The following UBE3B variants were observed in gnomAD, a reference collection of about 807,000 sequenced individuals.
UBE3B encodes ubiquitin protein ligase E3B, also known as ubiquitin-protein ligase E3B.
In UBE3B, 80 loss-of-function variants were observed where a neutral mutation model predicts 132.3. The observed-to-expected ratio is 0.60, with a 90% CI of 0.50 to 0.73. The LOEUF (loss-of-function observed/expected upper bound fraction) is 0.73. UBE3B is among the 30% of genes least tolerant of loss of function. The probability of loss-of-function intolerance (pLI) is 0.00; values close to 1 mark genes in which losing one functional copy is unlikely to be tolerated. For synonymous variants in UBE3B, 487 were observed against 520.4 expected, an observed-to-expected ratio of 0.94 and a Z score of 0.87; for missense variants, 1,196 against 1,362.5, an observed-to-expected ratio of 0.88 and a Z score of 1.92.
chr12:109,533,758 C>T (rs1883191969), intron 27 of UBE3B, 200 bp downstream of exon 27: 2 of 827,954 alleles, frequency 2.4e-6, no homozygotes, highest in Non-Finnish European at 4.0e-6. Context: ...ACGGACTCAG[C>T]CCTCTCTCGG....
At chr12:109,515,232 G>C (rs2136018354) in intron 18 of UBE3B, among the ~76,000 whole-genome samples, 1 of 151,738 alleles carries the variant, frequency 6.6e-6, no homozygotes, top group East Asian at 2.0e-4. Flanking sequence ...TCTTCTTAAG[G>C]GGCTGTTGGT....
At chr12:109,530,461 C>T in intron 25 of UBE3B, 86 bp from the exon 26 acceptor site, 2 of 1,118,664 alleles carry the variant, frequency 1.8e-6, no homozygotes, top group South Asian at 1.3e-5. Context: ...CAGAGTGGAC[C>T]GTGCCAGCTG....
At position 109,534,707 on chromosome 12, in the gene UBE3B, C is replaced by G. The variant is rs1209020323; in HGVS notation, c.3132C>G (p.Asn1044Lys). ...STCFNLLKLP[N>K]YSKKSVLREK... Reference sequence around the variant, plus strand: ...GCTTCAACCTGCTCAAGCTGCCCAACTACAGCAAGAAGAGCGTCCTCCGCG... The same window carrying G: ...GCTTCAACCTGCTCAAGCTGCCCAAGTACAGCAAGAAGAGCGTCCTCCGCG... Residue 1044 changes from asparagine (N) to lysine (K), a missense_variant, in exon 28 of 28, where the codon AAC becomes AAG. Coordinates refer to ENST00000342494, the MANE Select transcript of UBE3B (RefSeq NM_130466.4). The surrounding 1 kb of genome is among the most constrained non-coding windows in gnomAD (Gnocchi z 5.2). The G allele has an allele frequency of 1.2e-6, 2 of 1,607,256 alleles. No individual in the cohort carries two copies. Among genetic ancestry groups the G allele is most frequent in the Non-Finnish European group, 1.7e-6 (2 of 1,177,390 alleles).
intron 19 of UBE3B, among the ~76,000 whole-genome samples, chr12:109,519,312 A>G (rs1339040488): frequency 6.6e-6 from 1 of 152,338 alleles, no homozygotes; most frequent in Non-Finnish European, 1.5e-5. Context: ...ACGCTGACTC[A>G]CATTCACCTC....
Position 109,521,540 on chromosome 12 carries a change from G to C in UBE3B, c.2353G>C (p.Ala785Pro), listed in dbSNP as rs1248298682. 6.3e-7 allele frequency: 1 copy of C among 1,591,196 alleles called. No individual in the cohort carries two copies. Among genetic ancestry groups the C allele is most frequent in the African/African-American group, 1.4e-5 (1 of 74,044 alleles). ...GTTTGTGGGGAAGATGCTGGGGAAG[G>C]CTGTGTATGAGGTAGGAACGTTAAG... ...FEFVGKMLGK[A>P]VYEGIVVDVP... Residue 785 changes from alanine (A) to proline (P), a missense_variant, in exon 21 of 28, where the codon GCT becomes CCT. Ala to Pro is a conservative substitution (Grantham distance 27). Transcript: ENST00000342494. This position sits in a 1 kb window ranked among gnomAD's most constrained non-coding sequence, Gnocchi z 4.2.
rs566954469 is a variant in UBE3B, at chr12:109,530,699, A to C, written c.2922+41A>C. 41 of 1,576,974 alleles carry C rather than the reference A, an allele frequency of 2.6e-5. No individual in the cohort carries two copies. The East Asian group carries it at 8.3e-4, about 32-fold the overall frequency. On this transcript the variant is annotated intron_variant, in intron 26 of 27. Coordinates refer to ENST00000342494, the MANE Select transcript of UBE3B (RefSeq NM_130466.4). ...CCTATGCATGCATGCATGTATTCTC[A>C]TAAACCTGGAAGGCCAGTTGATGTA...
rs200548330 is a variant in UBE3B, at chr12:109,533,549, G to A, written c.3006G>A (p.Ser1002=). The change falls in exon 27 of 28, where the codon TCG becomes TCA. Residue 1002 remains serine (S), a synonymous_variant. Coordinates refer to ENST00000342494, the MANE Select transcript of UBE3B (RefSeq NM_130466.4). ...TCTCCATCCGCTGCGTGGAGGTGTC[G>A]GACGATCAGGTACCCCCACGGGGTG... ...PPFSIRCVEV[S]DDQDTGDTLG... The A allele has an allele frequency of 1.2e-4, 198 of 1,613,278 alleles. 2 individuals carry two copies. The South Asian group carries it at 1.7e-3, about 14-fold the overall frequency.
the UBE3B span, among the ~76,000 whole-genome samples, chr12:109,545,086 G>A: frequency 1.3e-5 from 2 of 152,204 alleles, no homozygotes; most frequent in African/African-American, 2.4e-5. Flanking sequence ...TTCCCTGATC[G>A]TCAGAGGCCT....
intron 17 of UBE3B, 92 bp from the exon 18 acceptor site, chr12:109,511,112 G>C: frequency 9.2e-7 from 1 of 1,087,048 alleles, no homozygotes; most frequent in Non-Finnish European, 1.4e-6. Context: ...ACAGCACCCT[G>C]CATGTGGCCC....
intron 22 of UBE3B, 130 bp downstream of exon 22, chr12:109,524,245 C>A: frequency 1.4e-6 from 2 of 1,416,250 alleles, no homozygotes; most frequent in Admixed American, 2.0e-5. Context: ...CTCACATCCC[C>A]CTGTGGGCAG....
intron 14 of UBE3B, among the ~76,000 whole-genome samples, chr12:109,505,026 G>C (rs1184697458): frequency 6.6e-6 from 1 of 151,960 alleles, no homozygotes; most frequent in Non-Finnish European, 1.5e-5. Context: ...AGCCAGGATG[G>C]TCTCGATCTC....
In UBE3B at chr12:109,497,917, C is replaced by T. The variant is rs368214041; in HGVS notation, c.813C>T (p.Thr271=). The T allele has an allele frequency of 1.3e-5, 21 of 1,613,940 alleles. No individual in the cohort carries two copies. Among genetic ancestry groups the T allele is most frequent in the Non-Finnish European group, 1.0e-5 (12 of 1,179,980 alleles). The part of the protein sequence containing the change: ...PALVTHLSTV[T]PERLTVLESH... ...TGGTGACTCATCTCAGCACAGTGAC[C>T]CCTGAGGTAAGCAGGCTCTGTGAGT... is the stretch of plus-strand genomic sequence containing the variant. Residue 271 remains threonine, a synonymous_variant, in exon 10 of 28, where the codon ACC becomes ACT. Transcript: ENST00000342494.
intron 17 of UBE3B, 95 bp from the exon 18 acceptor site, chr12:109,511,109 C>A (rs934347015): frequency 3.8e-6 from 4 of 1,058,786 alleles, no homozygotes; most frequent in Non-Finnish European, 5.7e-6. Context: ...CAGACAGCAC[C>A]CTGCATGTGG....
At position 109,484,004 on chromosome 12, in the gene UBE3B, G is replaced by T. The variant is rs116921368; in HGVS notation, c.282+23G>T. The T allele has an allele frequency of 2.0e-4, 313 of 1,590,928 alleles. 2 individuals are homozygous for T. The East Asian group carries it at 4.1e-3, about 21-fold the overall frequency. ...GAGGTAAAACGATAATAGCAAACAT[G>T]TATAATACTTCCATATGTCAGATCT... is the stretch of plus-strand genomic sequence containing the variant. On this transcript the variant is annotated intron_variant, in intron 4 of 27. Coordinates refer to ENST00000342494, the MANE Select transcript of UBE3B (RefSeq NM_130466.4).
rs1312113567 is a variant in UBE3B at position 109,534,633 on chromosome 12, A to G, written c.3058A>G (p.Thr1020Ala). 6.2e-7 allele frequency: 1 copy of G among 1,611,114 alleles called. No individual in the cohort carries two copies. The stretch of plus-strand genomic sequence containing the variant: ...GGGCAGCGTCCTCCGGGGCTTCTTC[A>G]CCATCCGCAAGCGGGAGCCAGGCGG... ...TLGSVLRGFF[T>A]IRKREPGGRL... Residue 1020 changes from threonine to alanine, a missense_variant, in exon 28 of 28, where the codon ACC (threonine) becomes GCC (alanine). Physicochemically the swap from Thr to Ala is moderately conservative, Grantham distance 58 (BLOSUM62 0). Transcript: ENST00000342494. This position sits in a 1 kb window ranked among gnomAD's most constrained non-coding sequence, Gnocchi z 5.2.
At chr12:109,509,237 C>G (rs1234046252) in intron 15 of UBE3B, 5 of 155,056 alleles carry the variant, frequency 3.2e-5, no homozygotes, top group African/African-American at 1.2e-4. Context: ...TCCTAGACAT[C>G]ATATCATTTT....
intron 14 of UBE3B, among the ~76,000 whole-genome samples, chr12:109,503,742 G>A (rs1047801169): frequency 6.6e-6 from 1 of 152,174 alleles, no homozygotes; most frequent in African/African-American, 2.4e-5. Flanking sequence ...TCCCCTCTGT[G>A]AGCACAGAAT....
chr12:109,521,487 T>C lies in UBE3B; in HGVS notation c.2300T>C (p.Ile767Thr), dbSNP rs1159694080. The C allele has an allele frequency of 6.2e-7, 1 of 1,601,850 alleles. No individual in the cohort carries two copies. ...ERLYPSPTSY[I>T]HENYLQLFEF... ...CTGTACCCCTCACCCACATCCTACA[T>C]CCATGAGAATTACCTGCAGCTCTTC... Residue 767 changes from isoleucine to threonine, a missense_variant, in exon 21 of 28, where the codon ATC (isoleucine) becomes ACC (threonine). By Grantham distance (89) the Ile-to-Thr change is moderately conservative. Transcript: ENST00000342494. This position sits in a 1 kb window ranked among gnomAD's most constrained non-coding sequence, Gnocchi z 4.2.
chr12:109,547,713 C>T, the UBE3B span, among the ~76,000 whole-genome samples: 12 of 152,314 alleles, frequency 7.9e-5, no homozygotes, highest in East Asian at 1.9e-4. This position sits in a 1 kb window ranked among gnomAD's most constrained non-coding sequence, Gnocchi z 4.1. Flanking sequence ...CCCCAACACA[C>T]GCCAAAACCC....
Sources: allele counts gnomAD v4.1 joint callset (sites outside exome capture counted in the v4.1 genomes callset), GRCh38; gene constraint gnomAD v4.1.1; non-coding constraint Gnocchi (gnomAD v3.1); transcripts MANE v1.5; gene names NCBI Gene and HGNC (gene_info 2026-07-23, HGNC 2026-07-21).